INTS5: variants seen among roughly 807,000 people sequenced by gnomAD.
INTS5 encodes the protein integrator complex subunit 5, also known as KIAA1698.
In INTS5, 29 loss-of-function variants were observed where a neutral mutation model predicts 60.0. That is an observed-to-expected ratio of 0.48 (90% CI 0.36 to 0.66). The LOEUF is 0.66. Ranked by LOEUF, INTS5 falls within the 30% of genes least tolerant of loss-of-function variation. The pLI, the probability that INTS5 is intolerant of heterozygous loss-of-function variation, is 0.00. For missense variants in INTS5, 1,129 were observed against 1,307.9 expected (o/e 0.86, Z 2.11); for synonymous variants, 588 against 558.8 (o/e 1.05, Z -0.74).
Position 62,649,951 on chromosome 11 carries a change from G to A in INTS5, c.129C>T (p.Asp43=). The change falls in exon 2 of 2, where the codon GAC becomes GAT. Residue 43 remains aspartate (D), a synonymous_variant. Coordinates refer to ENST00000330574, the MANE Select transcript of INTS5 (RefSeq NM_030628.2). This position sits in a 1 kb window ranked among gnomAD's most constrained non-coding sequence, Gnocchi z 6.0. ...CTGAGAGTTGGTGGCCCAGAATGGG[G>A]TCTACGCCAGTCAGAAAAGCCTTGA... ...QEIKAFLTGV[D]PILGHQLSAR... 1 of 1,614,206 alleles carries A rather than the reference G, an allele frequency of 6.2e-7. No homozygotes were observed. The highest frequency in any genetic ancestry group is 8.5e-7 in the Non-Finnish European group (1 of 1,180,042).
intron 1 of INTS5, 21 bp from the exon 2 acceptor site, chr11:62,650,020 CAGACTTAAG>C (rs1944581801): frequency 6.3e-7 from 1 of 1,596,200 alleles, no homozygotes; most frequent in East Asian, 2.2e-5. Context: ...GCAAAAGAAA[CAGACTTAAG>C]AGTGTTGTGA....
At position 62,649,435 on chromosome 11, in the gene INTS5, G is replaced by C; in HGVS notation, c.645C>G (p.Thr215=). The stretch of plus-strand genomic sequence containing the variant: ...CAAAGTGTGGAGAATGCTGAACAGA[G>C]GTATCCAGCAAGGCATCCACACACG... ...PDACVDALLD[T]SVQHSPHFDW... Residue 215 remains threonine (T), a synonymous_variant, in exon 2 of 2, where the codon ACC becomes ACG. Transcript: ENST00000330574. This position sits in a 1 kb window ranked among gnomAD's most constrained non-coding sequence, Gnocchi z 6.0. The C allele has an allele frequency of 6.2e-7, 1 of 1,614,160 alleles. No individual in the cohort carries two copies. The highest frequency in any genetic ancestry group is 2.2e-5 in the East Asian group (1 of 44,890).
At position 62,648,672 on chromosome 11, in the gene INTS5, A is replaced by T; in HGVS notation, c.1408T>A (p.Leu470Met). ...GVLGPPPPPR[L>M]VPFLDALKNH... ...TTGAGCGCATCTAAAAAGGGCACCAAGCGGGGAGGTGGGGGCGGGCCTAGC... is the reference window on the plus strand; with the variant it reads ...TTGAGCGCATCTAAAAAGGGCACCATGCGGGGAGGTGGGGGCGGGCCTAGC... The change falls in exon 2 of 2, where the codon TTG becomes ATG. Residue 470 changes from leucine to methionine, a missense_variant. By Grantham distance (15) the Leu-to-Met change is conservative. Coordinates refer to ENST00000330574, the MANE Select transcript of INTS5 (RefSeq NM_030628.2). This position sits in a 1 kb window ranked among gnomAD's most constrained non-coding sequence, Gnocchi z 4.4. 1 of 1,614,058 alleles carries T rather than the reference A, an allele frequency of 6.2e-7. No homozygotes were observed. The highest frequency in any genetic ancestry group is 8.5e-7 in the Non-Finnish European group (1 of 1,179,962).
intron 1 of INTS5, among the ~76,000 whole-genome samples, chr11:62,652,917 C>G (rs943852601): frequency 6.6e-6 from 1 of 152,206 alleles, no homozygotes; most frequent in Non-Finnish European, 1.5e-5. Flanking sequence ...ATACCCCCGA[C>G]TCTTGGGAGA....
chr11:62,649,221 G>A lies in INTS5; in HGVS notation c.859C>T (p.Arg287Trp), dbSNP rs776221477. The A allele has an allele frequency of 6.8e-6, 11 of 1,613,766 alleles. No homozygotes were observed. Among genetic ancestry groups the A allele is most frequent in the African/African-American group, 1.3e-5 (1 of 74,916 alleles). Residue 287 changes from arginine to tryptophan, a missense_variant, in exon 2 of 2, where the codon CGG becomes TGG. Coordinates refer to ENST00000330574, the MANE Select transcript of INTS5 (RefSeq NM_030628.2). The surrounding 1 kb of genome is among the most constrained non-coding windows in gnomAD (Gnocchi z 6.0). ...ACAACTGAGGCAATCTTGGGCACCC[G>A]TTTCTCCGCAGGAATGGCAGGAGAT... ...PGSPAIPAEK[R>W]VPKIASVVGI...
rs1565118823 is a variant in INTS5, at chr11:62,647,929, TGA to T, written c.2149_2150del (p.Val718CysfsTer14). 4.3e-6 allele frequency: 7 copies of T among 1,614,082 alleles called. No homozygotes were observed. Among genetic ancestry groups the T allele is most frequent in the African/African-American group, 1.3e-5 (1 of 74,924 alleles). ...CAGAAGCCAAAGAAGCTGAAACAACTGAGAGAGTCTCATTGTCCCCATCTACT... is the reference window on the plus strand; with the variant it reads ...CAGAAGCCAAAGAAGCTGAAACAACTGAGAGTCTCATTGTCCCCATCTACT... Reference protein sequence around the residue: ...GQVDGDNETLSVVSASLASAS... With the variant: ...GQVDGDNETLXVVSASLASAS... On this transcript the variant is annotated frameshift_variant, in exon 2 of 2. Transcript: ENST00000330574. LOFTEE classifies it high-confidence loss of function.
Position 62,647,433 on chromosome 11 carries a change from C to T in INTS5, c.2647G>A (p.Ala883Thr), listed in dbSNP as rs748989742. 5.5e-5 allele frequency: 89 copies of T among 1,608,312 alleles called. No individual in the cohort carries two copies. The highest frequency in any genetic ancestry group is 7.1e-5 in the Non-Finnish European group (84 of 1,176,660). The change falls in exon 2 of 2, where the codon GCC becomes ACC. Residue 883 changes from alanine (A) to threonine (T), a missense_variant. Ala to Thr is a moderately conservative substitution (Grantham distance 58, BLOSUM62 0). Coordinates refer to ENST00000330574, the MANE Select transcript of INTS5 (RefSeq NM_030628.2). ...YCSVLLRGLL[A>T]ALLGHWEASR... ...GCTTCCCAATGGCCCAAGAGGGCGG[C>T]CAGCAGCCCCCGAAGCAGCACGGAA...
chr11:62,647,617 A>G lies in INTS5; in HGVS notation c.2463T>C (p.Cys821=). The G allele has an allele frequency of 6.2e-7, 1 of 1,613,980 alleles. No individual in the cohort carries two copies. The highest frequency in any genetic ancestry group is 1.1e-5 in the South Asian group (1 of 91,088). ...CCAGCTCTGCACCAGCTGCATCGGGACACACACTCTCCACCAAGGTCACTG... is the reference window on the plus strand; with the variant it reads ...CCAGCTCTGCACCAGCTGCATCGGGGCACACACTCTCCACCAAGGTCACTG... ...AVAVTLVESV[C]PDAAGAELAW... is the part of the protein sequence containing the mutation. Residue 821 remains cysteine (C), a synonymous_variant, in exon 2 of 2, where the codon TGT becomes TGC. Transcript: ENST00000330574.
rs915344767 is a variant in INTS5 at position 62,653,280 on chromosome 11, G to C, written c.-31C>G. 1.1e-4 allele frequency: 138 copies of C among 1,236,956 alleles called. No homozygotes were observed. The highest frequency in any genetic ancestry group is 1.3e-4 in the Non-Finnish European group (128 of 982,778). The allele number at this position is 1,236,956 out of a possible 1,614,324, so 76.6% of individuals were successfully genotyped here. A position where few individuals can be genotyped will look rare whatever the true frequency, so the allele number is the denominator to read the frequency against. ...AGCCCGAGCCGAGCCCGAGGCGCGAGCGGCGGAGCGCAGGCGGCGCATGCG... is the reference window on the plus strand; with the variant it reads ...AGCCCGAGCCGAGCCCGAGGCGCGACCGGCGGAGCGCAGGCGGCGCATGCG... On this transcript the variant is annotated 5_prime_UTR_variant, in exon 1 of 2. Coordinates refer to ENST00000330574, the MANE Select transcript of INTS5 (RefSeq NM_030628.2).
chr11:62,652,062 G>A (rs1944598576), intron 1 of INTS5, among the ~76,000 whole-genome samples: 1 of 150,534 alleles, frequency 6.6e-6, no homozygotes, highest in African/African-American at 2.4e-5. Flanking sequence ...CCTCACGTCT[G>A]TAATCCTAGC....
In INTS5 at chr11:62,649,150, T is replaced by C. The variant is rs1944573835; in HGVS notation, c.930A>G (p.Arg310=). 6.2e-7 allele frequency: 1 copy of C among 1,613,322 alleles called. No homozygotes were observed. Among genetic ancestry groups the C allele is most frequent in the Non-Finnish European group, 8.5e-7 (1 of 1,179,490 alleles). Residue 310 remains arginine, a synonymous_variant, in exon 2 of 2, where the codon CGA becomes CGG. Coordinates refer to ENST00000330574, the MANE Select transcript of INTS5 (RefSeq NM_030628.2). This position sits in a 1 kb window ranked among gnomAD's most constrained non-coding sequence, Gnocchi z 6.0. ...CATGGAACATTCGCAGGAGCTCCCG[T>C]CGGATGCTATCTCCGTGGCGGGAGG... ...HLASRHGDSI[R]RELLRMFHDS... is the part of the protein sequence containing the mutation.
At position 62,649,382 on chromosome 11, in the gene INTS5, G is replaced by C; in HGVS notation, c.698C>G (p.Ser233Cys). 1 of 1,614,196 alleles carries C rather than the reference G, an allele frequency of 6.2e-7. No homozygotes were observed. The highest frequency in any genetic ancestry group is 8.5e-7 in the Non-Finnish European group (1 of 1,180,040). Residue 233 changes from serine to cysteine, a missense_variant, in exon 2 of 2, where the codon TCT (serine) becomes TGT (cysteine). Ser to Cys is a moderately radical substitution (Grantham distance 112, BLOSUM62 -1). Transcript: ENST00000330574. The surrounding 1 kb of genome is among the most constrained non-coding windows in gnomAD (Gnocchi z 6.0). ...FDWVVAHIGSSFPGTIISRVL... is the reference protein window; with the variant it reads ...FDWVVAHIGSCFPGTIISRVL... ...CCGGGAAATGATGGTGCCAGGAAAA[G>C]AGGAGCCAATATGTGCCACAACCCA...
intron 1 of INTS5, among the ~76,000 whole-genome samples, chr11:62,652,582 G>C (rs1944604747): frequency 6.6e-6 from 1 of 152,028 alleles, no homozygotes; most frequent in Non-Finnish European, 1.5e-5. Context: ...AGGGCACAGA[G>C]TAATAATGCT....
In INTS5 at chr11:62,648,055, G is replaced by A. The variant is rs548939308; in HGVS notation, c.2025C>T (p.Thr675=). 1.2e-6 allele frequency: 2 copies of A among 1,614,172 alleles called. No individual in the cohort carries two copies. Among genetic ancestry groups the A allele is most frequent in the Admixed American group, 3.3e-5 (2 of 60,016 alleles). ...CAGCTGGGGATGTCTGAGACAGGCGGGTGAGAAGCTGACAGGCTGAGGCCA... is the reference window on the plus strand; with the variant it reads ...CAGCTGGGGATGTCTGAGACAGGCGAGTGAGAAGCTGACAGGCTGAGGCCA... The part of the protein sequence containing the change: ...PGVASACQLL[T]RLSQTSPAGL... The change falls in exon 2 of 2, where the codon ACC becomes ACT. Residue 675 remains threonine (T), a synonymous_variant. Transcript: ENST00000330574. The surrounding 1 kb of genome is among the most constrained non-coding windows in gnomAD (Gnocchi z 4.4).
chr11:62,652,382 C>G (rs1232226675), intron 1 of INTS5, among the ~76,000 whole-genome samples: 1 of 151,884 alleles, frequency 6.6e-6, no homozygotes, highest in Non-Finnish European at 1.5e-5. Flanking sequence ...CCCGCCCCGC[C>G]CCATCCCACA....
Position 62,653,293 on chromosome 11 carries a change from GGCGGC to G in INTS5, c.-49_-45del. On this transcript the variant is annotated 5_prime_UTR_variant, in exon 1 of 2. Coordinates refer to ENST00000330574, the MANE Select transcript of INTS5 (RefSeq NM_030628.2). Reference sequence around the variant, plus strand: ...CCCGAGGCGCGAGCGGCGGAGCGCAGGCGGCGCATGCGCGCTGACAGGAAACGCGA... The same window carrying G: ...CCCGAGGCGCGAGCGGCGGAGCGCAGGCATGCGCGCTGACAGGAAACGCGA... 8.3e-7 allele frequency: 1 copy of G among 1,210,314 alleles called. No homozygotes were observed. The highest frequency in any genetic ancestry group is 1.0e-6 in the Non-Finnish European group (1 of 959,872). 75.0% of individuals were successfully genotyped at this position (1,210,314 alleles called of 1,614,324 possible). A position where few individuals can be genotyped will look rare whatever the true frequency, so the allele number is the denominator to read the frequency against.
chr11:62,648,696 G>A lies in INTS5; in HGVS notation c.1384C>T (p.Leu462=), dbSNP rs1177269077. 4 of 1,614,126 alleles carry A rather than the reference G, an allele frequency of 2.5e-6. No individual in the cohort carries two copies. Among genetic ancestry groups the A allele is most frequent in the Non-Finnish European group, 3.4e-6 (4 of 1,180,012 alleles). The change falls in exon 2 of 2, where the codon CTA becomes TTA. Residue 462 remains leucine, a synonymous_variant. Coordinates refer to ENST00000330574, the MANE Select transcript of INTS5 (RefSeq NM_030628.2). The surrounding 1 kb of genome is among the most constrained non-coding windows in gnomAD (Gnocchi z 4.4). ...AAGCGGGGAGGTGGGGGCGGGCCTAGCACCCCTTCCCCAGGAGACCCTCCC... is the reference window on the plus strand; with the variant it reads ...AAGCGGGGAGGTGGGGGCGGGCCTAACACCCCTTCCCCAGGAGACCCTCCC... The part of the protein sequence containing the change: ...HRGGSPGEGV[L]GPPPPPRLVP...
In INTS5 at chr11:62,647,454, C is replaced by G; in HGVS notation, c.2626G>C (p.Val876Leu). ...AAPPALCYCS[V>L]LLRGLLAALL... is the part of the protein sequence containing the mutation. Reference sequence around the variant, plus strand: ...GCGGCCAGCAGCCCCCGAAGCAGCACGGAACAGTAGCACAGGGCTGGGGGT... The same window carrying G: ...GCGGCCAGCAGCCCCCGAAGCAGCAGGGAACAGTAGCACAGGGCTGGGGGT... The change falls in exon 2 of 2, where the codon GTG becomes CTG. Residue 876 changes from valine to leucine, a missense_variant. Val to Leu is a conservative substitution (Grantham distance 32). Transcript: ENST00000330574. 3.1e-6 allele frequency: 5 copies of G among 1,606,862 alleles called. No homozygotes were observed. The highest frequency in any genetic ancestry group is 4.3e-6 in the Non-Finnish European group (5 of 1,175,608).
At chr11:62,651,697 A>AAAT (rs916927249) in intron 1 of INTS5, among the ~76,000 whole-genome samples, 12 of 151,842 alleles carry the variant, frequency 7.9e-5, no homozygotes, top group African/African-American at 2.9e-4. Flanking sequence ...ATCTCTACAA[A>AAAT]AATAATAATA....
Sources: allele counts gnomAD v4.1 joint callset (sites outside exome capture counted in the v4.1 genomes callset), GRCh38; gene constraint gnomAD v4.1.1; non-coding constraint Gnocchi (gnomAD v3.1); transcripts MANE v1.5; gene names NCBI Gene and HGNC (gene_info 2026-07-23, HGNC 2026-07-21).